The following PPP3CA variants were observed in gnomAD, a reference collection of about 807,000 sequenced individuals.
PPP3CA encodes CAM-PRP catalytic subunit.
In PPP3CA, 14 loss-of-function variants were observed where a neutral mutation model predicts 66.5. The observed-to-expected ratio is 0.21, with a 90% CI of 0.14 to 0.33. The LOEUF (loss-of-function observed/expected upper bound fraction) is 0.33. PPP3CA is among the 10% of genes least tolerant of loss of function. The pLI, the probability that PPP3CA is intolerant of heterozygous loss-of-function variation, is 1.00. For missense variants in PPP3CA, 317 were observed against 639.5 expected (o/e 0.50, Z 5.44); for synonymous variants, 232 against 226.2 (o/e 1.03, Z -0.23).
At chr4:101,234,405 G>C (rs1351437523) in intron 1 of PPP3CA, among the ~76,000 whole-genome samples, 1 of 151,628 alleles carries the variant, frequency 6.6e-6, no homozygotes, top group Non-Finnish European at 1.5e-5. Flanking sequence ...GTCATCTTTT[G>C]ACTTTTTAGT....
chr4:101,128,970 T>C (rs1271717329), intron 2 of PPP3CA, among the ~76,000 whole-genome samples: 2 of 152,042 alleles, frequency 1.3e-5, no homozygotes, highest in East Asian at 1.9e-4. Context: ...CCCACCCCCA[T>C]GGAGCCCAGC....
At chr4:101,035,432 A>G (rs1231386995) in intron 11 of PPP3CA, among the ~76,000 whole-genome samples, 1 of 152,168 alleles carries the variant, frequency 6.6e-6, no homozygotes. Context: ...TCAAAATTTT[A>G]ATTTTGTACC....
intron 1 of PPP3CA, among the ~76,000 whole-genome samples, chr4:101,204,319 ATGT>A (rs1405865730): frequency 2.0e-5 from 3 of 151,888 alleles, no homozygotes; most frequent in African/African-American, 4.8e-5. Flanking sequence ...GATTTTTTTA[ATGT>A]TGTTCAAAAT....
At chr4:101,234,883 A>G (rs751345987) in intron 1 of PPP3CA, among the ~76,000 whole-genome samples, 1 of 151,822 alleles carries the variant, frequency 6.6e-6, no homozygotes, top group Non-Finnish European at 1.5e-5. Flanking sequence ...CTACAAACTA[A>G]TAAGAGTCTG....
intron 1 of PPP3CA, among the ~76,000 whole-genome samples, chr4:101,262,351 C>T (rs1043413805): frequency 1.3e-5 from 2 of 152,042 alleles, no homozygotes; most frequent in Non-Finnish European, 2.9e-5. Context: ...CGTTAAGGCA[C>T]ATTCCAATTA....
Position 101,244,244 on chromosome 4 carries a change from T to A in PPP3CA, c.59-48128A>T, listed in dbSNP as rs1726403975. Among the ~76,000 whole-genome samples, 4 of 152,136 alleles carry A rather than the reference T, an allele frequency of 2.6e-5. No homozygotes were observed. In the South Asian group the frequency reaches 8.3e-4, roughly 31 times the overall value. On this transcript the variant is annotated intron_variant, in intron 1 of 13. Transcript: ENST00000394854. ...TAGAAAAGTCACACCAGGACCAACC[T>A]CCAATAATATGCATGTCTTTATTCT...
intron 1 of PPP3CA, 68 bp from the exon 2 acceptor site, chr4:101,196,184 C>T (rs1432528746): frequency 2.1e-6 from 3 of 1,397,594 alleles, no homozygotes; most frequent in Non-Finnish European, 3.0e-6. Flanking sequence ...ATAATAACCA[C>T]CAAATATCCA....
At chr4:101,192,900 C>G (rs1276192103) in intron 2 of PPP3CA, among the ~76,000 whole-genome samples, 2 of 152,160 alleles carry the variant, frequency 1.3e-5, no homozygotes, top group Non-Finnish European at 2.9e-5. Context: ...AATAAGTTCT[C>G]AATGCATATT....
intron 2 of PPP3CA, among the ~76,000 whole-genome samples, chr4:101,175,112 C>A (rs1054176989): frequency 6.6e-6 from 1 of 152,002 alleles, no homozygotes; most frequent in Admixed American, 6.6e-5. Flanking sequence ...GAAAACAAAT[C>A]CTAAAACAAA....
chr4:101,213,064 A>G (rs189128423), intron 1 of PPP3CA, among the ~76,000 whole-genome samples: 2 of 152,290 alleles, frequency 1.3e-5, no homozygotes, highest in Admixed American at 1.3e-4. Flanking sequence ...CTATAAACAA[A>G]TAGCTAATCA....
chr4:101,118,460 C>T (rs1024763403), intron 2 of PPP3CA, among the ~76,000 whole-genome samples: 6 of 151,964 alleles, frequency 3.9e-5, no homozygotes, highest in Non-Finnish European at 8.8e-5. Context: ...GCACATACTA[C>T]ACACCTGGCA....
chr4:101,069,507 A>G lies in PPP3CA; in HGVS notation c.956-6150T>C, dbSNP rs60795704. 3.3e-5 allele frequency among the ~76,000 whole-genome samples: 5 copies of G among 152,304 alleles called. No homozygotes were observed. The East Asian group carries it at 9.6e-4, about 29-fold the overall frequency. ...GTCTCCTAAATAAAATACTCATATT[A>G]TCTTACCTACATGAAGGGCAGAGAT... On this transcript the variant is annotated intron_variant, in intron 8 of 13. Transcript: ENST00000394854.
intron 1 of PPP3CA, among the ~76,000 whole-genome samples, chr4:101,330,931 T>A (rs1377999919): frequency 6.6e-6 from 1 of 151,038 alleles, no homozygotes; most frequent in Non-Finnish European, 1.5e-5. Context: ...AAGAAAAGCA[T>A]AATTTATGGT....
At chr4:101,244,258 T>A (rs981313290) in intron 1 of PPP3CA, among the ~76,000 whole-genome samples, 1 of 152,182 alleles carries the variant, frequency 6.6e-6, no homozygotes, top group Non-Finnish European at 1.5e-5. Context: ...ATAATATGCA[T>A]GTCTTTATTC....
At chr4:101,315,492 CATT>C (rs1728857035) in intron 1 of PPP3CA, among the ~76,000 whole-genome samples, 1 of 152,180 alleles carries the variant, frequency 6.6e-6, no homozygotes. Flanking sequence ...TGCTGTTTCT[CATT>C]ATTCACTGAC....
intron 2 of PPP3CA, among the ~76,000 whole-genome samples, chr4:101,163,321 G>A (rs1044947247): frequency 1.3e-5 from 2 of 152,110 alleles, no homozygotes; most frequent in Non-Finnish European, 2.9e-5. Context: ...ACTCTTTTCA[G>A]TGTGAAATAT....
chr4:101,073,379 C>T (rs929432355), intron 8 of PPP3CA, among the ~76,000 whole-genome samples: 6 of 151,410 alleles, frequency 4.0e-5, no homozygotes, highest in South Asian at 2.1e-4. Context: ...CGGGTTCAAG[C>T]GATTCTTCCT....
intron 2 of PPP3CA, 128 bp from the exon 3 acceptor site, chr4:101,109,206 C>A: frequency 1.1e-6 from 1 of 926,204 alleles, no homozygotes; most frequent in Non-Finnish European, 1.5e-6. Flanking sequence ...TTTTGCAGAA[C>A]AAGAAGTACG....
intron 10 of PPP3CA, among the ~76,000 whole-genome samples, chr4:101,046,121 G>C (rs545798489): frequency 3.4e-4 from 51 of 152,230 alleles, no homozygotes; most frequent in African/African-American, 1.1e-3. Flanking sequence ...CTTCTCACTG[G>C]AGTTACATTC....
Sources: gnomAD v4.1 joint callset for allele counts (sites outside exome capture counted in the v4.1 genomes callset) on GRCh38, gnomAD v4.1.1 for gene constraint, MANE v1.5 for transcripts, NCBI Gene and HGNC (gene_info 2026-07-23, HGNC 2026-07-21) for gene names.